Variants in DCC observed in about 807,000 individuals in gnomAD.
The protein encoded by DCC is netrin receptor DCC.
DCC carries 58 observed loss-of-function variants against 172.5 expected under a neutral mutation model. The observed-to-expected ratio is 0.34, with a 90% CI of 0.27 to 0.42. The LOEUF is 0.42. Among genes scored for constraint, DCC ranks in the 10% least tolerant of loss-of-function variants. The pLI is 1.00. For synonymous variants in DCC, 709 were observed against 644.5 expected (o/e 1.10, Z -1.52); for missense variants, 1,740 against 1,791.0 (o/e 0.97, Z 0.51).
chr18:53,153,800 G>A (rs909630392), intron 7 of DCC, among the ~76,000 whole-genome samples: 4 of 152,130 alleles, frequency 2.6e-5, no homozygotes, highest in African/African-American at 9.7e-5. Context: ...CTTCTGTGAA[G>A]GCCTAGGCAA....
intron 1 of DCC, among the ~76,000 whole-genome samples, chr18:52,597,275 T>C (rs1355169102): frequency 1.3e-5 from 2 of 152,186 alleles, no homozygotes; most frequent in Non-Finnish European, 2.9e-5. Context: ...TTTTGTGTTA[T>C]AGTGTCTGCT....
chr18:53,413,270 C>G (rs985260241), intron 20 of DCC, among the ~76,000 whole-genome samples: 1 of 152,164 alleles, frequency 6.6e-6, no homozygotes, highest in Admixed American at 6.6e-5. Flanking sequence ...CCTTAGTCAT[C>G]ATTCTGAAAT....
chr18:52,628,076 T>C (rs1004544937), intron 1 of DCC, among the ~76,000 whole-genome samples: 1 of 152,228 alleles, frequency 6.6e-6, no homozygotes, highest in African/African-American at 2.4e-5. Flanking sequence ...TCCTTTACCC[T>C]TTCCAATTCT....
At chr18:52,652,928 C>G (rs184469066) in intron 1 of DCC, among the ~76,000 whole-genome samples, 1 of 151,986 alleles carries the variant, frequency 6.6e-6, no homozygotes, top group Non-Finnish European at 1.5e-5. Context: ...GTTCTGAGGA[C>G]ACAGAGAATA....
chr18:53,213,060 C>T (rs1378363508), intron 11 of DCC, among the ~76,000 whole-genome samples: 3 of 152,126 alleles, frequency 2.0e-5, no homozygotes, highest in African/African-American at 7.2e-5. Flanking sequence ...TATCTATCCT[C>T]TTAAAGTTTT....
intron 16 of DCC, among the ~76,000 whole-genome samples, chr18:53,388,441 T>A (rs1441087461): frequency 6.6e-6 from 1 of 152,150 alleles, no homozygotes; most frequent in Non-Finnish European, 1.5e-5. Context: ...ACAAAATATA[T>A]CACAGGCAAT....
intron 7 of DCC, among the ~76,000 whole-genome samples, chr18:53,089,830 T>G (rs1053400727): frequency 6.6e-6 from 1 of 150,570 alleles, no homozygotes; most frequent in Non-Finnish European, 1.5e-5. Flanking sequence ...AAATTGTTTT[T>G]AGTTTAAAAT....
chr18:52,447,258 T>G (rs2144508303), intron 1 of DCC, among the ~76,000 whole-genome samples: 1 of 152,342 alleles, frequency 6.6e-6, no homozygotes, highest in East Asian at 1.9e-4. Flanking sequence ...TATCAAACAG[T>G]ATCTTCAACA....
At chr18:53,275,003 G>A (rs899492980) in intron 12 of DCC, among the ~76,000 whole-genome samples, 1 of 152,108 alleles carries the variant, frequency 6.6e-6, no homozygotes, top group African/African-American at 2.4e-5. Context: ...TTGTCCTCTA[G>A]CTGTAAATCC....
intron 7 of DCC, among the ~76,000 whole-genome samples, chr18:53,110,209 G>T (rs775121900): frequency 6.6e-6 from 1 of 151,574 alleles, no homozygotes; most frequent in Non-Finnish European, 1.5e-5. Context: ...ATGACTTGTT[G>T]CTCCTCAGTT....
intron 23 of DCC, among the ~76,000 whole-genome samples, chr18:53,456,418 A>G (rs995464861): frequency 6.6e-5 from 10 of 152,180 alleles, no homozygotes; most frequent in African/African-American, 1.7e-4. Context: ...TTCTAGGGCT[A>G]TTTTAGAAGC....
At chr18:53,344,727 C>A (rs2057703551) in intron 15 of DCC, among the ~76,000 whole-genome samples, 1 of 151,634 alleles carries the variant, frequency 6.6e-6, no homozygotes, top group African/African-American at 2.4e-5. Flanking sequence ...GTATGAACCA[C>A]CACACCCAGC....
intron 9 of DCC, among the ~76,000 whole-genome samples, chr18:53,184,636 G>C (rs1448118453): frequency 6.6e-6 from 1 of 152,108 alleles, no homozygotes; most frequent in Non-Finnish European, 1.5e-5. Context: ...TCTAAACATA[G>C]AAAAGGTAAT....
rs557913674 is a variant in DCC at position 52,983,432 on chromosome 18, A to G, written c.985+58062A>G. ...TCAAATTTTTATCCTATCTGGGAAAATGGGCAGTGACATTTTTAGGCTATA... is the reference window on the plus strand; with the variant it reads ...TCAAATTTTTATCCTATCTGGGAAAGTGGGCAGTGACATTTTTAGGCTATA... On this transcript the variant is annotated intron_variant, in intron 5 of 28. Coordinates refer to ENST00000442544, the MANE Select transcript of DCC (RefSeq NM_005215.4). Among the ~76,000 whole-genome samples the G allele has an allele frequency of 5.9e-5, 9 of 152,294 alleles. No homozygotes were observed. The South Asian group carries it at 1.2e-3, about 21-fold the overall frequency.
At chr18:53,177,996 G>A (rs1568348622) in intron 8 of DCC, among the ~76,000 whole-genome samples, 1 of 152,088 alleles carries the variant, frequency 6.6e-6, no homozygotes, top group Non-Finnish European at 1.5e-5. Flanking sequence ...ATATCTGAAT[G>A]GCAAAATTAA....
intron 3 of DCC, among the ~76,000 whole-genome samples, chr18:52,911,603 TTGA>T (rs1372853006): frequency 2.6e-5 from 4 of 151,990 alleles, no homozygotes; most frequent in Non-Finnish European, 4.4e-5. Context: ...ATTAACTTTG[TTGA>T]TGATTGGGCA....
At chr18:53,371,101 T>A (rs2058056364) in intron 15 of DCC, among the ~76,000 whole-genome samples, 1 of 150,958 alleles carries the variant, frequency 6.6e-6, no homozygotes, top group Non-Finnish European at 1.5e-5. Flanking sequence ...TATCAGTGGA[T>A]TTGGTTTAAT....
chr18:53,047,102 G>A (rs1031293478), intron 5 of DCC, among the ~76,000 whole-genome samples: 5 of 150,266 alleles, frequency 3.3e-5, no homozygotes, highest in Non-Finnish European at 5.9e-5. Flanking sequence ...GGACAAATAT[G>A]ATAAAAAGAA....
chr18:53,018,166 T>A (rs1169132526), intron 5 of DCC, among the ~76,000 whole-genome samples: 1 of 152,152 alleles, frequency 6.6e-6, no homozygotes, highest in Non-Finnish European at 1.5e-5. Context: ...CTTAAAAGTT[T>A]AATAATAATA....
Sources: allele counts gnomAD v4.1 joint callset (sites outside exome capture counted in the v4.1 genomes callset), GRCh38; gene constraint gnomAD v4.1.1; transcripts MANE v1.5; gene names NCBI Gene and HGNC (gene_info 2026-07-23, HGNC 2026-07-21).